The following PHYHIPL variants were observed in gnomAD, a reference collection of about 807,000 sequenced individuals.
The protein encoded by PHYHIPL is phytanoyl-CoA 2-hydroxylase interacting protein like.
Under a neutral mutation model 33.4 loss-of-function variants are expected in PHYHIPL, and 9 were observed. That is an observed-to-expected ratio of 0.27 (90% CI 0.16 to 0.47). The LOEUF is 0.47. PHYHIPL is among the 20% of genes least tolerant of loss of function. The pLI, the probability that PHYHIPL is intolerant of heterozygous loss-of-function variation, is 0.99. For synonymous variants in PHYHIPL, 153 were observed against 154.1 expected (o/e 0.99, Z 0.05); for missense variants, 365 against 460.7 (o/e 0.79, Z 1.90).
intron 1 of PHYHIPL, among the ~76,000 whole-genome samples, chr10:59,233,301 T>C (rs1840131803): frequency 6.6e-6 from 1 of 151,840 alleles, no homozygotes; most frequent in African/African-American, 2.4e-5. Context: ...CAATCTAATC[T>C]GGAAATGGAA....
rs571225429 is a variant in PHYHIPL at position 59,203,184 on chromosome 10, C to T, written c.106+26225C>T. Among the ~76,000 whole-genome samples the T allele has an allele frequency of 8.5e-5, 13 of 152,236 alleles. No homozygotes were observed. In the South Asian group the frequency reaches 2.5e-3, roughly 29 times the overall value. ...TGAAAAAATGCTCATCATCACTGGCCATCAGAGAAATGCAAATCAAAACCA... is the reference window on the plus strand; with the variant it reads ...TGAAAAAATGCTCATCATCACTGGCTATCAGAGAAATGCAAATCAAAACCA... On this transcript the variant is annotated intron_variant, in intron 1 of 4. Transcript: ENST00000373880.
At chr10:59,215,780 T>A (rs1250500121) in intron 1 of PHYHIPL, among the ~76,000 whole-genome samples, 1 of 151,358 alleles carries the variant, frequency 6.6e-6, no homozygotes, top group Non-Finnish European at 1.5e-5. Flanking sequence ...GTGGAAGGAG[T>A]AGCTTTTTAA....
chr10:59,244,017 T>G (rs1300624800), intron 4 of PHYHIPL, among the ~76,000 whole-genome samples: 2 of 152,106 alleles, frequency 1.3e-5, no homozygotes, highest in Non-Finnish European at 2.9e-5. Context: ...CACAATGCCC[T>G]AAAGCGTGGA....
rs368975080 is a variant in PHYHIPL, at chr10:59,199,003, C to T, written c.106+22044C>T. On this transcript the variant is annotated intron_variant, in intron 1 of 4. Coordinates refer to ENST00000373880, the MANE Select transcript of PHYHIPL (RefSeq NM_032439.4). The stretch of plus-strand genomic sequence containing the variant: ...TGCGAAAATTTTCTCCCATTCTGTA[C>T]GTTGCCTGTTCACTCTGATGGTAGT... 5.5e-3 allele frequency among the ~76,000 whole-genome samples: 836 copies of T among 152,090 alleles called. 5 individuals are homozygous for T. Among genetic ancestry groups the T allele is most frequent in the African/African-American group, 0.018 (763 of 41,498 alleles).
intron 1 of PHYHIPL, among the ~76,000 whole-genome samples, chr10:59,231,954 A>G (rs1031022943): frequency 1.3e-5 from 2 of 152,096 alleles, no homozygotes; most frequent in Non-Finnish European, 2.9e-5. Flanking sequence ...GAAAAGTTCT[A>G]TTAATAAAGT....
intron 3 of PHYHIPL, 96 bp from the exon 4 acceptor site, chr10:59,238,492 C>T (rs3758565): frequency 0.17 from 106,864 of 620,038 alleles, 11,571 homozygotes; most frequent in African/African-American, 0.41. Context: ...GTTGAATTCC[C>T]TAGAGGTGAA....
intron 1 of PHYHIPL, among the ~76,000 whole-genome samples, chr10:59,200,061 C>A (rs1326230093): frequency 6.6e-6 from 1 of 152,070 alleles, no homozygotes; most frequent in East Asian, 1.9e-4. Context: ...TTTCTCTTGC[C>A]TGATTGCCCT....
At chr10:59,195,086 T>C (rs1200906327) in intron 1 of PHYHIPL, among the ~76,000 whole-genome samples, 1 of 152,192 alleles carries the variant, frequency 6.6e-6, no homozygotes, top group Non-Finnish European at 1.5e-5. Flanking sequence ...GTTAAAAGTG[T>C]TTTACAAAAT....
At position 59,245,074 on chromosome 10, in the gene PHYHIPL, C is replaced by T. The variant is rs377300646; in HGVS notation, c.614C>T (p.Ala205Val). The change falls in exon 5 of 5, where the codon GCT becomes GTT. Residue 205 changes from alanine to valine, a missense_variant. Around this residue, in one of 4 missense-constraint regions of PHYHIPL, gnomAD observed 196 missense variants for 224.9 expected, o/e 0.87. Coordinates refer to ENST00000373880, the MANE Select transcript of PHYHIPL (RefSeq NM_032439.4). ...TCTTGCAGAGAACATCATGGGAATGCTATGCAGCCATCTGTCAAGGATAAC... is the reference window on the plus strand; with the variant it reads ...TCTTGCAGAGAACATCATGGGAATGTTATGCAGCCATCTGTCAAGGATAAC... ...FDYVREHHGN[A>V]MQPSVKDNSG... 1 of 1,610,658 alleles carries T rather than the reference C, an allele frequency of 6.2e-7. No homozygotes were observed. Among genetic ancestry groups the T allele is most frequent in the African/African-American group, 1.3e-5 (1 of 74,812 alleles).
chr10:59,246,513 G>T lies in PHYHIPL; in HGVS notation c.*922G>T. ...GAAAATAGAAATACAAACAAGGTTG[G>T]TACATGAGAGAAAATGTTGACCTTT... On this transcript the variant is annotated 3_prime_UTR_variant, in exon 5 of 5. Transcript: ENST00000373880. 2.6e-6 allele frequency: 1 copy of T among 390,982 alleles called. No homozygotes were observed. Among genetic ancestry groups the T allele is most frequent in the Non-Finnish European group, 4.5e-6 (1 of 221,184 alleles). 24.2% of individuals were successfully genotyped at this position (390,982 alleles called of 1,614,324 possible).
At chr10:59,194,760 G>T (rs1394115466) in intron 1 of PHYHIPL, among the ~76,000 whole-genome samples, 1 of 152,178 alleles carries the variant, frequency 6.6e-6, no homozygotes, top group African/African-American at 2.4e-5. Flanking sequence ...AAATTTTTAT[G>T]AGAGGAAGTA....
intron 1 of PHYHIPL, among the ~76,000 whole-genome samples, chr10:59,200,540 A>C (rs1359928724): frequency 6.6e-6 from 1 of 152,118 alleles, no homozygotes; most frequent in Non-Finnish European, 1.5e-5. Context: ...TGTCTCTGCC[A>C]GGCTTTGGTA....
intron 1 of PHYHIPL, among the ~76,000 whole-genome samples, chr10:59,186,173 T>G: frequency 6.6e-6 from 1 of 152,214 alleles, no homozygotes; most frequent in Non-Finnish European, 1.5e-5. Context: ...CAGTTTCAGC[T>G]TTCTCCATAT....
chr10:59,175,904 G>A (rs1838240136), upstream of PHYHIPL, among the ~76,000 whole-genome samples: 1 of 152,170 alleles, frequency 6.6e-6, no homozygotes, highest in African/African-American at 2.4e-5. Context: ...GGCAGACTGC[G>A]TGGCTGCTGG....
chr10:59,180,991 A>G (rs186929346), intron 1 of PHYHIPL, among the ~76,000 whole-genome samples: 8 of 152,308 alleles, frequency 5.3e-5, no homozygotes, highest in Admixed American at 5.2e-4. Flanking sequence ...AGTGTAGCAT[A>G]GTGATAATAC....
At position 59,245,855 on chromosome 10, in the gene PHYHIPL, T is replaced by G; in HGVS notation, c.*264T>G. The stretch of plus-strand genomic sequence containing the variant: ...TTATTGCCTAGATGCTGCAATGTTT[T>G]TATGTTTCCTTTATGCCAAACATAA... On this transcript the variant is annotated 3_prime_UTR_variant, in exon 5 of 5. Coordinates refer to ENST00000373880, the MANE Select transcript of PHYHIPL (RefSeq NM_032439.4). 2.4e-6 allele frequency: 1 copy of G among 410,044 alleles called. No homozygotes were observed. The highest frequency in any genetic ancestry group is 4.4e-6 in the Non-Finnish European group (1 of 228,586). The allele number at this position is 410,044 out of a possible 1,614,324, so 25.4% of individuals were successfully genotyped here. A position where few individuals can be genotyped will look rare whatever the true frequency, so the allele number is the denominator to read the frequency against.
chr10:59,186,313 C>T (rs2133189567), intron 1 of PHYHIPL, among the ~76,000 whole-genome samples: 1 of 152,190 alleles, frequency 6.6e-6, no homozygotes, highest in South Asian at 2.1e-4. Context: ...CTGTTCTGTT[C>T]CATTGGTCTC....
At chr10:59,225,384 C>T (rs1839897704) in intron 1 of PHYHIPL, among the ~76,000 whole-genome samples, 1 of 151,736 alleles carries the variant, frequency 6.6e-6, no homozygotes, top group African/African-American at 2.4e-5. Flanking sequence ...GGACAGCTAG[C>T]AACTTCACTT....
intron 1 of PHYHIPL, among the ~76,000 whole-genome samples, chr10:59,189,105 C>A (rs79513992): frequency 0.024 from 3,648 of 151,968 alleles, 136 homozygotes; most frequent in African/African-American, 0.083. Context: ...CATATTATTC[C>A]TTTGAAACCA....
Sources: allele counts gnomAD v4.1 joint callset (sites outside exome capture counted in the v4.1 genomes callset), GRCh38; gene constraint gnomAD v4.1.1; regional missense constraint gnomAD v4.1.1; transcripts MANE v1.5; gene names NCBI Gene and HGNC (gene_info 2026-07-23, HGNC 2026-07-21).